Variants in CEP295 observed in about 807,000 individuals in gnomAD.
The protein encoded by CEP295 is centrosomal protein of 295 kDa.
A neutral mutation model predicts 291.6 loss-of-function variants in CEP295; 190 were observed. The observed-to-expected ratio is 0.65, with a 90% CI of 0.58 to 0.73. The LOEUF (loss-of-function observed/expected upper bound fraction) is 0.73. Among genes scored for constraint, CEP295 ranks in the 30% least tolerant of loss-of-function variants. The probability of loss-of-function intolerance (pLI) is 0.00; values close to 1 mark genes in which losing one functional copy is unlikely to be tolerated. For missense variants in CEP295, 2,863 were observed against 2,949.4 expected, an observed-to-expected ratio of 0.97 and a Z score of 0.68; for synonymous variants, 993 against 1,038.8, an observed-to-expected ratio of 0.96 and a Z score of 0.85.
chr11:93,714,230 G>C (rs1336942040), intron 18 of CEP295, among the ~76,000 whole-genome samples: 1 of 152,018 alleles, frequency 6.6e-6, no homozygotes, highest in Non-Finnish European at 1.5e-5. Context: ...ATTGGTACCA[G>C]GGCATTAAAG....
At position 93,698,402 on chromosome 11, in the gene CEP295, A is replaced by G; in HGVS notation, c.3490A>G (p.Thr1164Ala). 6.4e-7 allele frequency: 1 copy of G among 1,552,158 alleles called. No individual in the cohort carries two copies. The highest frequency in any genetic ancestry group is 8.7e-7 in the Non-Finnish European group (1 of 1,147,088). The change falls in exon 15 of 30, where the codon ACA becomes GCA. Residue 1164 changes from threonine (T) to alanine (A), a missense_variant. Physicochemically the swap from Thr to Ala is moderately conservative, Grantham distance 58. Coordinates refer to ENST00000325212, the MANE Select transcript of CEP295 (RefSeq NM_033395.2). ...TAGCCTGGCACAGCAAGAAAATTTG[A>G]CAATACTCCAAGAACAGTCACAAAT... is the stretch of plus-strand genomic sequence containing the variant. The part of the protein sequence containing the change: ...QHSLAQQENL[T>A]ILQEQSQIQR...
chr11:93,730,242 G>GA lies in CEP295; in HGVS notation c.7782dup (p.Leu2595ThrfsTer11), dbSNP rs1555014009. On this transcript the variant is annotated frameshift_variant, in exon 30 of 30. Transcript: ENST00000325212. LOFTEE classifies it high-confidence loss of function. ...TATTCCTTCCACAGAAAACACTAGA[G>GA]AAACTTCGAGCCAAAAATACATGCT... 1.3e-6 allele frequency: 2 copies of GA among 1,550,990 alleles called. No individual in the cohort carries two copies.
chr11:93,679,531 G>T lies in CEP295; in HGVS notation c.744G>T (p.Met248Ile), dbSNP rs1360671026. The T allele has an allele frequency of 3.2e-6, 5 of 1,551,276 alleles. No individual in the cohort carries two copies. In the African/African-American group the frequency reaches 6.8e-5, roughly 21 times the overall value. The change falls in exon 7 of 30, where the codon ATG (methionine) becomes ATT (isoleucine). Residue 248 changes from methionine (M) to isoleucine (I), a missense_variant. Physicochemically the swap from Met to Ile is conservative, Grantham distance 10 (BLOSUM62 1). This residue lies in a region of CEP295 where 554 missense variants were observed against 576.0 expected (regional missense o/e 0.96). Coordinates refer to ENST00000325212, the MANE Select transcript of CEP295 (RefSeq NM_033395.2). Reference protein sequence around the residue: ...EKAHVRGFQAMKKIHLAQNQE... With the variant: ...EKAHVRGFQAIKKIHLAQNQE... ...CACATGTACGGGGATTCCAAGCAAT[G>T]AAGAAGATCCATTTGGCTCAAGTAA...
At chr11:93,675,763 T>C (rs1200822000) in intron 6 of CEP295, 97 bp downstream of exon 6, 1 of 644,620 alleles carries the variant, frequency 1.6e-6, no homozygotes, top group Non-Finnish European at 2.6e-6. Context: ...TTCCCAGATT[T>C]CAAAATTTGG....
chr11:93,681,860 G>GTT (rs59389595), intron 7 of CEP295, among the ~76,000 whole-genome samples: 65 of 121,706 alleles, frequency 5.3e-4, no homozygotes, highest in East Asian at 8.6e-4. Context: ...TTTTGTTTTT[G>GTT]TTTTTTTTTT....
At chr11:93,714,608 G>A (rs1421332148) in intron 18 of CEP295, among the ~76,000 whole-genome samples, 1 of 152,108 alleles carries the variant, frequency 6.6e-6, no homozygotes, top group Admixed American at 6.6e-5. Context: ...CATCCTTCTT[G>A]GGACAGCTTT....
intron 10 of CEP295, 57 bp downstream of exon 10, chr11:93,687,922 G>A: frequency 7.8e-7 from 1 of 1,288,178 alleles, no homozygotes; most frequent in South Asian, 1.6e-5. Context: ...TTCAAAAGTA[G>A]GTTCGTTTCT....
At chr11:93,690,874 T>G (rs557522415) in intron 10 of CEP295, among the ~76,000 whole-genome samples, 68 of 152,278 alleles carry the variant, frequency 4.5e-4, no homozygotes, top group African/African-American at 1.6e-3. Flanking sequence ...GTTTGTTTCT[T>G]TATCCTCACG....
In CEP295 at chr11:93,697,515, A is replaced by G. The variant is rs371421214; in HGVS notation, c.2603A>G (p.Gln868Arg). 9.7e-6 allele frequency: 15 copies of G among 1,551,612 alleles called. No individual in the cohort carries two copies. In the African/African-American group the frequency reaches 1.4e-4, roughly 14 times the overall value. Reference protein sequence around the residue: ...KKVLQATQEAQEQLLLCKQKE... With the variant: ...KKVLQATQEAREQLLLCKQKE... ...GTTCTTCAGGCAACTCAGGAAGCTCAGGAACAGTTGCTTTTGTGCAAACAG... is the reference window on the plus strand; with the variant it reads ...GTTCTTCAGGCAACTCAGGAAGCTCGGGAACAGTTGCTTTTGTGCAAACAG... Residue 868 changes from glutamine (Q) to arginine (R), a missense_variant, in exon 15 of 30, where the codon CAG (glutamine) becomes CGG (arginine). Around this residue, in one of 3 missense-constraint regions of CEP295, gnomAD observed 2,295 missense variants for 2,335.7 expected, o/e 0.98. Transcript: ENST00000325212.
At chr11:93,709,245 C>T (rs746497037) in intron 18 of CEP295, among the ~76,000 whole-genome samples, 2 of 152,076 alleles carry the variant, frequency 1.3e-5, no homozygotes, top group Non-Finnish European at 2.9e-5. Context: ...GGAGGGTTTC[C>T]CCAATGTTTT....
chr11:93,683,367 G>A (rs189652188), intron 7 of CEP295, among the ~76,000 whole-genome samples, 192 bp from the exon 8 acceptor site: 2 of 152,146 alleles, frequency 1.3e-5, no homozygotes, highest in African/African-American at 4.8e-5. Flanking sequence ...TGTGTCCCTA[G>A]CACTTAATGT....
Position 93,684,038 on chromosome 11 carries a change from G to A in CEP295, c.1024G>A (p.Glu342Lys). The A allele has an allele frequency of 6.4e-7, 1 of 1,551,816 alleles. No individual in the cohort carries two copies. The highest frequency in any genetic ancestry group is 1.4e-5 in the African/African-American group (1 of 73,156). Residue 342 changes from glutamate (E) to lysine (K), a missense_variant, in exon 9 of 30, where the codon GAG (glutamate) becomes AAG (lysine). This residue lies in a region of CEP295 where 554 missense variants were observed against 576.0 expected (regional missense o/e 0.96). Coordinates refer to ENST00000325212, the MANE Select transcript of CEP295 (RefSeq NM_033395.2). ...TGTGACTAATCAGATCCAAGATGAA[G>A]AGCTGGACCTTTCAATGGAACAAGA... ...PTVTNQIQDEELDLSMEQENL... is the reference protein window; with the variant it reads ...PTVTNQIQDEKLDLSMEQENL...
chr11:93,719,038 G>A (rs1049039048), intron 18 of CEP295, among the ~76,000 whole-genome samples: 1 of 152,052 alleles, frequency 6.6e-6, no homozygotes, highest in Non-Finnish European at 1.5e-5. Context: ...AACCCGGGAG[G>A]TGGAGTTTGC....
At chr11:93,725,905 A>G in intron 23 of CEP295, 74 bp downstream of exon 23, 3 of 1,308,874 alleles carry the variant, frequency 2.3e-6, no homozygotes, top group East Asian at 5.0e-5. Context: ...AATTAAGCCT[A>G]GCACCTCTTG....
At chr11:93,712,581 A>G (rs1485719748) in intron 18 of CEP295, among the ~76,000 whole-genome samples, 1 of 152,212 alleles carries the variant, frequency 6.6e-6, no homozygotes, top group South Asian at 2.1e-4. Context: ...ATATAAGTAT[A>G]GCTACTCTTG....
chr11:93,729,179 GCTAT>G (rs1214533479), intron 25 of CEP295: 1 of 541,712 alleles, frequency 1.8e-6, no homozygotes, highest in African/African-American at 1.9e-5. Flanking sequence ...TAAGAATAAA[GCTAT>G]CTAAACAGAG....
chr11:93,694,913 CAT>C (rs1362460526), intron 12 of CEP295, among the ~76,000 whole-genome samples: 1 of 152,134 alleles, frequency 6.6e-6, no homozygotes, highest in Non-Finnish European at 1.5e-5. Context: ...TCATGAAACT[CAT>C]AGTTACTCAA....
At position 93,697,663 on chromosome 11, in the gene CEP295, G is replaced by A. The variant is rs1951915780; in HGVS notation, c.2751G>A (p.Lys917=). 1 of 1,551,810 alleles carries A rather than the reference G, an allele frequency of 6.4e-7. No homozygotes were observed. Among genetic ancestry groups the A allele is most frequent in the Non-Finnish European group, 8.7e-7 (1 of 1,147,036 alleles). Residue 917 remains lysine (K), a synonymous_variant, in exon 15 of 30, where the codon AAG becomes AAA. Transcript: ENST00000325212. ...LGRIQESSPT[K]NNIAVSSDHH... ...GAATCCAGGAATCTTCACCAACCAA[G>A]AATAATATTGCAGTTTCCTCAGACC...
chr11:93,682,446 A>G (rs922348602), intron 7 of CEP295, among the ~76,000 whole-genome samples: 2 of 151,696 alleles, frequency 1.3e-5, no homozygotes, highest in African/African-American at 4.8e-5. Flanking sequence ...CTGGCCTCGA[A>G]CTCCTGACCT....
Sources: allele counts gnomAD v4.1 joint callset (sites outside exome capture counted in the v4.1 genomes callset), GRCh38; gene constraint gnomAD v4.1.1; regional missense constraint gnomAD v4.1.1; transcripts MANE v1.5; gene names NCBI Gene and HGNC (gene_info 2026-07-23, HGNC 2026-07-21).